TRPM3: variants seen among roughly 807,000 people sequenced by gnomAD.
TRPM3 encodes the protein transient receptor potential cation channel subfamily M member 3, also known as long transient receptor potential channel 3.
Under a neutral mutation model 181.2 loss-of-function variants are expected in TRPM3, and 77 were observed. That is an observed-to-expected ratio of 0.42 (90% CI 0.35 to 0.51). The LOEUF is 0.51. Ranked by LOEUF, TRPM3 falls within the 20% of genes least tolerant of loss-of-function variation. TRPM3 has a pLI of 0.01. For missense variants in TRPM3, 1,759 were observed against 2,196.7 expected, an observed-to-expected ratio of 0.80 and a Z score of 3.98; for synonymous variants, 745 against 796.4, an observed-to-expected ratio of 0.94 and a Z score of 1.09.
intron 1 of TRPM3, among the ~76,000 whole-genome samples, chr9:71,424,437 T>A (rs1346303171): frequency 6.6e-6 from 1 of 152,112 alleles, no homozygotes; most frequent in African/African-American, 2.4e-5. Flanking sequence ...TGCATATAAA[T>A]GAGACATGTT....
chr9:70,873,626 C>G (rs1056375191), intron 1 of TRPM3, among the ~76,000 whole-genome samples: 5 of 151,998 alleles, frequency 3.3e-5, no homozygotes, highest in African/African-American at 1.2e-4. Context: ...CCCCTGCATT[C>G]TTTAAAACTC....
chr9:70,948,137 T>C (rs566424335), intron 1 of TRPM3, among the ~76,000 whole-genome samples: 1 of 151,880 alleles, frequency 6.6e-6, no homozygotes, highest in Non-Finnish European at 1.5e-5. Flanking sequence ...TTTTTGTCTT[T>C]CAGATAGAGC....
chr9:70,962,000 A>G (rs2097140717), intron 1 of TRPM3, among the ~76,000 whole-genome samples: 3 of 152,164 alleles, frequency 2.0e-5, no homozygotes, highest in Admixed American at 2.0e-4. Flanking sequence ...GAAAATTAGG[A>G]AATAGAAAAC....
chr9:71,222,625 GT>G lies in TRPM3; in HGVS notation c.183+224027del, dbSNP rs1260161450. Reference sequence around the variant, plus strand: ...ATCAAGTGAGCAATCACATTAAGTGGTTTTAACTTCATATCACTGAAAGAGG... The same window carrying G: ...ATCAAGTGAGCAATCACATTAAGTGGTTTAACTTCATATCACTGAAAGAGG... On this transcript the variant is annotated intron_variant, in intron 1 of 24. Coordinates refer to the TRPM3 transcript ENST00000357533. Among the ~76,000 whole-genome samples, 5 of 152,304 alleles carry G rather than the reference GT, an allele frequency of 3.3e-5. No individual in the cohort carries two copies. The South Asian group carries it at 8.3e-4, about 25-fold the overall frequency.
At chr9:70,626,568 G>A (rs572041047) in intron 12 of TRPM3, among the ~76,000 whole-genome samples, 2 of 152,134 alleles carry the variant, frequency 1.3e-5, no homozygotes, top group Admixed American at 6.5e-5. Flanking sequence ...CATTACAAAC[G>A]GCTGGACTTT....
In TRPM3 at chr9:71,197,615, T is replaced by C. The variant is rs527374666; in HGVS notation, c.183+249038A>G. On this transcript the variant is annotated intron_variant, in intron 1 of 24. Transcript: ENST00000357533. ...GTGGTTTTGATTTGCATTACTCTGA[T>C]GGCCAGTGATGGTGAGCATTTTTTC... 5.9e-5 allele frequency among the ~76,000 whole-genome samples: 9 copies of C among 152,198 alleles called. No individual in the cohort carries two copies. In the South Asian group the frequency reaches 6.2e-4, roughly 11 times the overall value.
rs1428301769 is a variant in TRPM3 at position 71,420,737 on chromosome 9, A to AAGAGAGAGAG, written c.183+25915_183+25916insCTCTCTCTCT. Among the ~76,000 whole-genome samples, 88 of 49,396 alleles carry AAGAGAGAGAG rather than the reference A, an allele frequency of 1.8e-3. 2 individuals carry two copies. The highest frequency in any genetic ancestry group is 0.011 in the Middle Eastern group (1 of 94). 32.4% of individuals were successfully genotyped at this position (49,396 alleles called of 152,430 possible). A position where few individuals can be genotyped will look rare whatever the true frequency, so the allele number is the denominator to read the frequency against. ...AAAGAGAGAAAGAGAGAGAGAGAGA[A>AAGAGAGAGAG]AGAGAGAGAAAGAGAGAGAAAGAGA... On this transcript the variant is annotated intron_variant, in intron 1 of 24. Coordinates refer to the TRPM3 transcript ENST00000357533.
intron 1 of TRPM3, among the ~76,000 whole-genome samples, chr9:71,074,159 G>T (rs2063136660): frequency 6.6e-6 from 1 of 152,186 alleles, no homozygotes; most frequent in East Asian, 1.9e-4. Flanking sequence ...TACCAGAACA[G>T]GTAAGGCATA....
chr9:71,187,681 C>T (rs908728191), intron 1 of TRPM3, among the ~76,000 whole-genome samples: 1 of 151,866 alleles, frequency 6.6e-6, no homozygotes, highest in Non-Finnish European at 1.5e-5. Flanking sequence ...TCAAACAATA[C>T]AGAAGATTAC....
intron 8 of TRPM3, among the ~76,000 whole-genome samples, chr9:70,682,659 G>A (rs1366983769): frequency 1.3e-5 from 2 of 152,088 alleles, no homozygotes; most frequent in South Asian, 2.1e-4. Flanking sequence ...CTGGGGCAGT[G>A]ATAACTAATG....
At chr9:71,013,835 G>A (rs1490475281) in intron 1 of TRPM3, among the ~76,000 whole-genome samples, 6 of 151,722 alleles carry the variant, frequency 4.0e-5, no homozygotes, top group African/African-American at 1.2e-4. Context: ...CCTTAGTTTT[G>A]ATAATCATTT....
Position 70,972,131 on chromosome 9 carries a change from C to T in TRPM3, c.178-107620G>A, listed in dbSNP as rs185343315. Among the ~76,000 whole-genome samples, 21 of 152,238 alleles carry T rather than the reference C, an allele frequency of 1.4e-4. No homozygotes were observed. In the East Asian group the frequency reaches 2.1e-3, roughly 15 times the overall value. On this transcript the variant is annotated intron_variant, in intron 1 of 25. Transcript: ENST00000677713. ...ACATATTTTCATGTCTAAACTTGTACATAGATATTCATAGCCGCATCATTC... is the reference window on the plus strand; with the variant it reads ...ACATATTTTCATGTCTAAACTTGTATATAGATATTCATAGCCGCATCATTC...
intron 1 of TRPM3, among the ~76,000 whole-genome samples, chr9:70,908,404 C>G (rs766924570): frequency 6.6e-6 from 1 of 152,148 alleles, no homozygotes; most frequent in Non-Finnish European, 1.5e-5. Flanking sequence ...CTGCAACAAC[C>G]AAATGAGCTG....
intron 1 of TRPM3, among the ~76,000 whole-genome samples, chr9:71,081,529 A>G (rs1331582842): frequency 6.6e-6 from 1 of 152,218 alleles, no homozygotes; most frequent in Non-Finnish European, 1.5e-5. Context: ...TTTTTGAGAG[A>G]CATAGAACAG....
At position 71,261,377 on chromosome 9, in the gene TRPM3, A is replaced by C. The variant is rs138692470; in HGVS notation, c.183+185276T>G. Among the ~76,000 whole-genome samples the C allele has an allele frequency of 1.5e-3, 225 of 152,124 alleles. 1 individual carries two copies. Among genetic ancestry groups the C allele is most frequent in the African/African-American group, 5.2e-3 (216 of 41,530 alleles). ...ATCAGGTCATTTATGTTCTTCTTTA[A>C]ACTGGTTATTCTAGTTCGCAATTCC... On this transcript the variant is annotated intron_variant, in intron 1 of 24. Coordinates refer to the TRPM3 transcript ENST00000357533.
chr9:70,552,856 C>T lies in TRPM3; in HGVS notation c.3562G>A (p.Asp1188Asn). 1 of 1,613,996 alleles carries T rather than the reference C, an allele frequency of 6.2e-7. No individual in the cohort carries two copies. The highest frequency in any genetic ancestry group is 8.5e-7 in the Non-Finnish European group (1 of 1,180,014). ...GCTTGAAGCTTACTCAGGCCGTAGT[C>T]CCTTTCATCCGGGTCGCTCTCGTGT... ...RKHESDPDER[D>N]YGLKLFITDD... Residue 1188 changes from aspartate (D) to asparagine (N), a missense_variant, in exon 24 of 26, where the codon GAC becomes AAC. Coordinates refer to ENST00000677713, the MANE Select transcript of TRPM3 (RefSeq NM_001366145.2).
At chr9:70,938,076 G>A (rs1589916293) in intron 1 of TRPM3, among the ~76,000 whole-genome samples, 1 of 152,138 alleles carries the variant, frequency 6.6e-6, no homozygotes, top group African/African-American at 2.4e-5. Context: ...CTGTTAGGAT[G>A]TGGAATAGGA....
chr9:71,046,596 C>A (rs1386123591), intron 1 of TRPM3, among the ~76,000 whole-genome samples: 1 of 152,178 alleles, frequency 6.6e-6, no homozygotes, highest in Non-Finnish European at 1.5e-5. Context: ...GTCTCCGGAT[C>A]TATCCTCCCC....
At chr9:71,405,740 T>C (rs2093425102) in intron 1 of TRPM3, among the ~76,000 whole-genome samples, 2 of 152,162 alleles carry the variant, frequency 1.3e-5, no homozygotes, top group African/African-American at 4.8e-5. Context: ...AATTATCAAC[T>C]CTATTTGTCC....
Sources: gnomAD v4.1 joint callset for allele counts (sites outside exome capture counted in the v4.1 genomes callset) on GRCh38, gnomAD v4.1.1 for gene constraint, MANE v1.5 for transcripts, NCBI Gene and HGNC (gene_info 2026-07-23, HGNC 2026-07-21) for gene names.